The following DGAT1 variants were observed in gnomAD, a reference collection of about 807,000 sequenced individuals.
DGAT1 encodes the protein diacylglycerol O-acyltransferase 1.
Under a neutral mutation model 72.6 loss-of-function variants are expected in DGAT1, and 60 were observed. The observed-to-expected ratio is 0.83, with a 90% CI of 0.67 to 1.02. DGAT1 has a LOEUF of 1.02. Among genes scored for constraint, DGAT1 ranks in the 50% least tolerant of loss-of-function variants. DGAT1 has a pLI of 0.00. For missense variants in DGAT1, 592 were observed against 670.0 expected (o/e 0.88, Z 1.29); for synonymous variants, 290 against 267.5 (o/e 1.08, Z -0.82).
At chr8:144,317,629 C>A in intron 11 of DGAT1, 41 bp from the exon 12 acceptor site, 1 of 1,613,974 alleles carries the variant, frequency 6.2e-7, no homozygotes, top group Non-Finnish European at 8.5e-7. Context: ...CTCCTGGTCA[C>A]TCCCCAGCCA....
chr8:144,322,787 T>G (rs1475548889), intron 1 of DGAT1, among the ~76,000 whole-genome samples: 3 of 152,110 alleles, frequency 2.0e-5, no homozygotes, highest in African/African-American at 7.2e-5. Flanking sequence ...AGCTCCAGCC[T>G]GAGCGCCCTG....
intron 2 of DGAT1, among the ~76,000 whole-genome samples, chr8:144,320,665 G>C (rs979263012): frequency 9.2e-5 from 14 of 152,120 alleles, no homozygotes; most frequent in South Asian, 6.2e-4. Flanking sequence ...GGTGGGGCTG[G>C]CAGCCCCACC....
In DGAT1 at chr8:144,314,975, C is replaced by T; in HGVS notation, c.*1579G>A. The T allele has an allele frequency of 2.0e-6, 2 of 985,880 alleles. No individual in the cohort carries two copies. The highest frequency in any genetic ancestry group is 2.4e-6 in the Non-Finnish European group (2 of 830,316). The allele number at this position is 985,880 out of a possible 1,614,324, so 61.1% of individuals were successfully genotyped here. On this transcript the variant is annotated 3_prime_UTR_variant, in exon 17 of 17. Coordinates refer to ENST00000528718, the MANE Select transcript of DGAT1 (RefSeq NM_012079.6). ...TCACAGGACCACCAGGAACCCCCTT[C>T]CCAAGGTGTTCGCACTCGGACAGGT...
In DGAT1 at chr8:144,314,777, G is replaced by C. The variant is rs1817124442; in HGVS notation, c.*1777C>G. The C allele has an allele frequency of 2.7e-6, 1 of 375,284 alleles. No individual in the cohort carries two copies. The highest frequency in any genetic ancestry group is 2.2e-5 in the African/African-American group (1 of 45,982). The allele number at this position is 375,284 out of a possible 1,614,324, so 23.2% of individuals were successfully genotyped here. A position where few individuals can be genotyped will look rare whatever the true frequency, so the allele number is the denominator to read the frequency against. On this transcript the variant is annotated 3_prime_UTR_variant, in exon 17 of 17. Transcript: ENST00000528718. The stretch of plus-strand genomic sequence containing the variant: ...GTGGTGCGGTGGGTGGTGCTGCAAT[G>C]AGGAGGGGCCCAGGGCACAGAAGGG...
rs55962377 is a variant in DGAT1 at position 144,318,103 on chromosome 8, G to T, written c.743C>A (p.Thr248Asn). Reference protein sequence around the residue: ...PHTVSYPDNLTYRDLYYFLFA... With the variant: ...PHTVSYPDNLNYRDLYYFLFA... ...CCCACAGAGGTCCTCACCGCGGTAG[G>T]TCAGATTGTCCGGGTAGCTCACGGT... Residue 248 changes from threonine to asparagine, a missense_variant, in exon 8 of 17, where the codon ACC (threonine) becomes AAC (asparagine). Physicochemically the swap from Thr to Asn is moderately conservative, Grantham distance 65. Transcript: ENST00000528718. 132,280 of 1,534,330 alleles carry T rather than the reference G, an allele frequency of 0.086. 6,325 individuals carry two copies. The highest frequency in any genetic ancestry group is 0.1 in the Non-Finnish European group (115,535 of 1,141,046).
chr8:144,318,736 G>A lies in DGAT1; in HGVS notation c.431C>T (p.Ala144Val). Residue 144 changes from alanine (A) to valine (V), a missense_variant, in exon 5 of 17, where the codon GCT becomes GTT. Ala to Val is a moderately conservative substitution (Grantham distance 64). Coordinates refer to ENST00000528718, the MANE Select transcript of DGAT1 (RefSeq NM_012079.6). ...PCLVIAANVF[A>V]VAAFQVEKRL... Reference sequence around the variant, plus strand: ...CTTCTCAACCTGGAATGCAGCCACAGCAAAGACATTGGCCGCTGTGGACAG... The same window carrying A: ...CTTCTCAACCTGGAATGCAGCCACAACAAAGACATTGGCCGCTGTGGACAG... 1 of 1,608,066 alleles carries A rather than the reference G, an allele frequency of 6.2e-7. No individual in the cohort carries two copies. The highest frequency in any genetic ancestry group is 8.5e-7 in the Non-Finnish European group (1 of 1,177,582).
At position 144,319,024 on chromosome 8, in the gene DGAT1, T is replaced by G. The variant is rs1554847799; in HGVS notation, c.329+4A>C. 8 of 1,558,774 alleles carry G rather than the reference T, an allele frequency of 5.1e-6. No individual in the cohort carries two copies. The highest frequency in any genetic ancestry group is 1.7e-4 in the Middle Eastern group (1 of 5,964). Reference sequence around the variant, plus strand: ...CAGGGGTGGGACCTGGCAAAGGCACTCACTTGATGAGGTTCTCCAGAAATA... The same window carrying G: ...CAGGGGTGGGACCTGGCAAAGGCACGCACTTGATGAGGTTCTCCAGAAATA... On this transcript the variant is annotated splice_donor_region_variant and intron_variant, in intron 3 of 16. Transcript: ENST00000528718.
At position 144,316,522 on chromosome 8, in the gene DGAT1, T is replaced by C; in HGVS notation, c.*32A>G. On this transcript the variant is annotated 3_prime_UTR_variant, in exon 17 of 17. Transcript: ENST00000528718. The stretch of plus-strand genomic sequence containing the variant: ...GTGGGCTCTGGCAGCGGGTGTGAGG[T>C]GGCAGTGAGAAGCCAGGCCCTCAGG... 1 of 1,554,550 alleles carries C rather than the reference T, an allele frequency of 6.4e-7. No homozygotes were observed.
At chr8:144,321,132 C>T (rs1001160251) in intron 2 of DGAT1, among the ~76,000 whole-genome samples, 189 bp downstream of exon 2, 2 of 152,352 alleles carry the variant, frequency 1.3e-5, no homozygotes, top group South Asian at 2.1e-4. Context: ...GGGGCAGCCA[C>T]TGCCACTCCC....
intron 1 of DGAT1, among the ~76,000 whole-genome samples, chr8:144,325,021 G>T (rs1817560258): frequency 6.6e-6 from 1 of 151,846 alleles, no homozygotes; most frequent in South Asian, 2.1e-4. Flanking sequence ...CCAAGAATGT[G>T]CCATTTTACT....
chr8:144,318,980 G>C (rs1358214383), intron 3 of DGAT1, 48 bp downstream of exon 3: 2 of 1,558,530 alleles, frequency 1.3e-6, no homozygotes, highest in African/African-American at 2.7e-5. Flanking sequence ...GGCGGGGCCT[G>C]GACAGGCCAT....
chr8:144,318,715 T>C lies in DGAT1; in HGVS notation c.452A>G (p.Glu151Gly), dbSNP rs1166286615. 3.1e-6 allele frequency: 5 copies of C among 1,608,634 alleles called. No individual in the cohort carries two copies. Among genetic ancestry groups the C allele is most frequent in the Non-Finnish European group, 4.2e-6 (5 of 1,178,054 alleles). The change falls in exon 5 of 17, where the codon GAG becomes GGG. Residue 151 changes from glutamate to glycine, a missense_variant. Physicochemically the swap from Glu to Gly is moderately conservative, Grantham distance 98. Transcript: ENST00000528718. ...NVFAVAAFQVEKRLAVGALTE... is the reference protein window; with the variant it reads ...NVFAVAAFQVGKRLAVGALTE... ...ACTGCTTACCACCGCCAGGCGCTTC[T>C]CAACCTGGAATGCAGCCACAGCAAA...
chr8:144,325,129 C>T (rs1817566896), intron 1 of DGAT1, among the ~76,000 whole-genome samples: 1 of 151,990 alleles, frequency 6.6e-6, no homozygotes, highest in Non-Finnish European at 1.5e-5. Flanking sequence ...ATGTAGCCAT[C>T]CCCCTGCCTC....
rs1392575692 is a variant in DGAT1 at position 144,315,496 on chromosome 8, A to G, written c.*1058T>C. 2.0e-6 allele frequency: 2 copies of G among 985,488 alleles called. No homozygotes were observed. The highest frequency in any genetic ancestry group is 2.4e-6 in the Non-Finnish European group (2 of 830,054). The allele number at this position is 985,488 out of a possible 1,614,324, so 61.0% of individuals were successfully genotyped here. A position where few individuals can be genotyped will look rare whatever the true frequency, so the allele number is the denominator to read the frequency against. Reference sequence around the variant, plus strand: ...CCATAGCTGCAGGTCTGGGGACACCAGGGCCTGGTCCAGTCTTGGGGTCTT... The same window carrying G: ...CCATAGCTGCAGGTCTGGGGACACCGGGGCCTGGTCCAGTCTTGGGGTCTT... On this transcript the variant is annotated 3_prime_UTR_variant, in exon 17 of 17. Transcript: ENST00000528718.
chr8:144,326,668 G>C lies in DGAT1; in HGVS notation c.-32C>G. ...AGCCCGCACCCGGCCGCAGCCAAGC[G>C]TGGGCCCGCCGGGTTCGTAGCGCCC... On this transcript the variant is annotated 5_prime_UTR_variant, in exon 1 of 17. Transcript: ENST00000528718. The C allele has an allele frequency of 8.5e-7, 1 of 1,170,924 alleles. No individual in the cohort carries two copies. Among genetic ancestry groups the C allele is most frequent in the Middle Eastern group, 3.6e-4 (1 of 2,816 alleles). 72.5% of individuals were successfully genotyped at this position (1,170,924 alleles called of 1,614,324 possible). A position where few individuals can be genotyped will look rare whatever the true frequency, so the allele number is the denominator to read the frequency against.
chr8:144,318,526 G>T lies in DGAT1; in HGVS notation c.509C>A (p.Ala170Asp). The change falls in exon 6 of 17, where the codon GCC (alanine) becomes GAC (aspartate). Residue 170 changes from alanine (A) to aspartate (D), a missense_variant. Ala to Asp is a moderately radical substitution (Grantham distance 126, BLOSUM62 -2). Transcript: ENST00000528718. The part of the protein sequence containing the change: ...TEQAGLLLHV[A>D]NLATILCFPA... Reference sequence around the variant, plus strand: ...GAAACACAGAATGGTGGCCAGGTTGGCCACGTGCAGCAGCAGTCCCGCCTG... The same window carrying T: ...GAAACACAGAATGGTGGCCAGGTTGTCCACGTGCAGCAGCAGTCCCGCCTG... The T allele has an allele frequency of 6.2e-7, 1 of 1,611,710 alleles. No homozygotes were observed. The highest frequency in any genetic ancestry group is 2.2e-5 in the East Asian group (1 of 44,892).
At chr8:144,318,946 A>C (rs782520347) in intron 3 of DGAT1, 26 bp from the exon 4 acceptor site, 1 of 956,356 alleles carries the variant, frequency 1.0e-6, no homozygotes, top group South Asian at 1.5e-5. Flanking sequence ...TGGGGGTCTG[A>C]GTGGGTGGCA....
rs782731581 is a variant in DGAT1, at chr8:144,316,566, C to G, written c.1455G>C (p.Ala485=). The change falls in exon 17 of 17, where the codon GCG becomes GCC. Residue 485 remains alanine (A), a synonymous_variant. Transcript: ENST00000528718. ...CCTCAGGTGCAGCTCAGGCCTCTGC[C>G]GCTGGGGCCTCATAGTTGAGCACGT... ...DYYVLNYEAP[A]AEA The G allele has an allele frequency of 6.3e-7, 1 of 1,596,300 alleles. No individual in the cohort carries two copies. The highest frequency in any genetic ancestry group is 1.1e-5 in the South Asian group (1 of 88,476).
chr8:144,316,364 GTGTC>G lies in DGAT1; in HGVS notation c.*186_*189del, dbSNP rs1490348650. 1.4e-5 allele frequency: 10 copies of G among 719,690 alleles called. No homozygotes were observed. The highest frequency in any genetic ancestry group is 9.0e-5 in the Admixed American group (3 of 33,260). 44.6% of individuals were successfully genotyped at this position (719,690 alleles called of 1,614,324 possible). ...CAAGACTCCCAGCTGGCATCAGACT[GTGTC>G]TGGCCTGCTGTCGCCATCCCTGAGG... On this transcript the variant is annotated 3_prime_UTR_variant, in exon 17 of 17. Transcript: ENST00000528718.
Sources: gnomAD v4.1 joint callset for allele counts (sites outside exome capture counted in the v4.1 genomes callset) on GRCh38, gnomAD v4.1.1 for gene constraint, MANE v1.5 for transcripts, NCBI Gene and HGNC (gene_info 2026-07-23, HGNC 2026-07-21) for gene names.